SLC9A1: variants seen among roughly 807,000 people sequenced by gnomAD.
SLC9A1 encodes sodium/hydrogen exchanger 1.
Under a neutral mutation model 67.9 loss-of-function variants are expected in SLC9A1, and 22 were observed. That is an observed-to-expected ratio of 0.32 (90% CI 0.23 to 0.46). SLC9A1 has a LOEUF of 0.46. Ranked by LOEUF, SLC9A1 falls within the 20% of genes least tolerant of loss-of-function variation. The pLI is 1.00. For synonymous variants in SLC9A1, 421 were observed against 471.8 expected, an observed-to-expected ratio of 0.89 and a Z score of 1.40; for missense variants, 686 against 1,094.8, an observed-to-expected ratio of 0.63 and a Z score of 5.27.
intron 1 of SLC9A1, among the ~76,000 whole-genome samples, chr1:27,120,171 CTT>C (rs1401243228): frequency 6.6e-6 from 1 of 151,850 alleles, no homozygotes; most frequent in Non-Finnish European, 1.5e-5. Context: ...GAGTCTCACT[CTT>C]GTTGTACAGT....
intron 1 of SLC9A1, among the ~76,000 whole-genome samples, chr1:27,128,241 C>T (rs1042642733): frequency 2.8e-5 from 4 of 145,274 alleles, no homozygotes; most frequent in African/African-American, 5.0e-5. Context: ...AGGCAAATCA[C>T]GGTACTGCCC....
chr1:27,102,864 T>A (rs1183274864), intron 6 of SLC9A1, 121 bp from the exon 7 acceptor site: 9 of 896,622 alleles, frequency 1.0e-5, no homozygotes, highest in African/African-American at 8.3e-5. Flanking sequence ...TGTGGTTCCA[T>A]GAGCAGCCAG....
chr1:27,106,701 T>C lies in SLC9A1; in HGVS notation c.1283-614A>G, dbSNP rs972433992. Among the ~76,000 whole-genome samples the C allele has an allele frequency of 2.0e-5, 3 of 152,010 alleles. No homozygotes were observed. The highest frequency in any genetic ancestry group is 6.5e-5 in the Admixed American group (1 of 15,270). On this transcript the variant is annotated intron_variant, in intron 4 of 11. Coordinates refer to ENST00000263980, the MANE Select transcript of SLC9A1 (RefSeq NM_003047.5). The surrounding 1 kb of genome is among the most constrained non-coding windows in gnomAD (Gnocchi z 4.3). Reference sequence around the variant, plus strand: ...GTGGGGCACATGTGAGTGGAACCCATGCACCTGGGGCCTGGTCCCCACGTG... The same window carrying C: ...GTGGGGCACATGTGAGTGGAACCCACGCACCTGGGGCCTGGTCCCCACGTG...
At chr1:27,111,914 C>T (rs1044154113) in intron 2 of SLC9A1, among the ~76,000 whole-genome samples, 3 of 152,178 alleles carry the variant, frequency 2.0e-5, no homozygotes, top group Non-Finnish European at 4.4e-5. Flanking sequence ...GGAGACATGA[C>T]CATGGGTCCA....
intron 1 of SLC9A1, among the ~76,000 whole-genome samples, chr1:27,132,549 C>T (rs573830450): frequency 6.8e-4 from 103 of 152,222 alleles, no homozygotes; most frequent in African/African-American, 2.3e-3. Context: ...AATGAAGATG[C>T]CTCTCCCCTC....
rs2083128548 is a variant in SLC9A1, at chr1:27,100,059, A to G, written c.*248T>C. On this transcript the variant is annotated 3_prime_UTR_variant, in exon 12 of 12. Coordinates refer to ENST00000263980, the MANE Select transcript of SLC9A1 (RefSeq NM_003047.5). This position sits in a 1 kb window ranked among gnomAD's most constrained non-coding sequence, Gnocchi z 5.6. ...GAGAAGCCTGGATCTAGGGAGGGGC[A>G]GGGCCGGCCTCACCAGCCCCAGCAG... 2 of 424,096 alleles carry G rather than the reference A, an allele frequency of 4.7e-6. No individual in the cohort carries two copies. The highest frequency in any genetic ancestry group is 8.3e-6 in the Non-Finnish European group (2 of 240,420). The allele number at this position is 424,096 out of a possible 1,614,324, so 26.3% of individuals were successfully genotyped here.
rs2083187458 is a variant in SLC9A1 at position 27,106,730 on chromosome 1, C to G, written c.1283-643G>C. ...CCTGGGGCCTGGTCCCCACGTGTGC[C>G]CCGGCCTGCTGCATAGGTTTGGAGG... On this transcript the variant is annotated intron_variant, in intron 4 of 11. Coordinates refer to ENST00000263980, the MANE Select transcript of SLC9A1 (RefSeq NM_003047.5). This position sits in a 1 kb window ranked among gnomAD's most constrained non-coding sequence, Gnocchi z 4.3. 2.0e-5 allele frequency among the ~76,000 whole-genome samples: 3 copies of G among 151,990 alleles called. No individual in the cohort carries two copies. In the South Asian group the frequency reaches 6.2e-4, roughly 31 times the overall value.
rs1344709907 is a variant in SLC9A1, at chr1:27,106,855, T to C, written c.1283-768A>G. ...CTCAGAGTCACAGACCTGGGTTCTG[T>C]GGGCCTCAGGCCCCTCATCAGGACA... On this transcript the variant is annotated intron_variant, in intron 4 of 11. Coordinates refer to ENST00000263980, the MANE Select transcript of SLC9A1 (RefSeq NM_003047.5). The surrounding 1 kb of genome is among the most constrained non-coding windows in gnomAD (Gnocchi z 4.3). Among the ~76,000 whole-genome samples the C allele has an allele frequency of 1.3e-5, 2 of 151,962 alleles. No homozygotes were observed. Among genetic ancestry groups the C allele is most frequent in the African/African-American group, 4.8e-5 (2 of 41,322 alleles).
chr1:27,110,760 A>G (rs1202621693), intron 2 of SLC9A1, among the ~76,000 whole-genome samples: 1 of 152,212 alleles, frequency 6.6e-6, no homozygotes, highest in Non-Finnish European at 1.5e-5. Flanking sequence ...CCTCCCCAGC[A>G]GGCTCAGCTT....
At position 27,109,358 on chromosome 1, in the gene SLC9A1, G is replaced by A. The variant is rs753226465; in HGVS notation, c.1064+169C>T. Among the ~76,000 whole-genome samples, 3 of 152,070 alleles carry A rather than the reference G, an allele frequency of 2.0e-5. No homozygotes were observed. Among genetic ancestry groups the A allele is most frequent in the Non-Finnish European group, 4.4e-5 (3 of 68,006 alleles). On this transcript the variant is annotated intron_variant, in intron 3 of 11. Transcript: ENST00000263980. The surrounding 1 kb of genome is among the most constrained non-coding windows in gnomAD (Gnocchi z 5.5). ...CTTCTAGGAAGCCACTGATGCCCTTGGCCATTTAAATGGCTACCAAGCAGG... is the reference window on the plus strand; with the variant it reads ...CTTCTAGGAAGCCACTGATGCCCTTAGCCATTTAAATGGCTACCAAGCAGG...
intron 5 of SLC9A1, 101 bp from the exon 6 acceptor site, chr1:27,103,413 C>T: frequency 1.2e-6 from 1 of 827,994 alleles, no homozygotes; most frequent in African/African-American, 1.7e-5. Context: ...CTAGGATGCC[C>T]TCTCTGCTCT....
At chr1:27,143,931 A>G (rs2124207227) in intron 1 of SLC9A1, among the ~76,000 whole-genome samples, 1 of 152,372 alleles carries the variant, frequency 6.6e-6, no homozygotes, top group African/African-American at 2.4e-5. Context: ...TCTGGAATGT[A>G]TGACAGTGGG....
intron 1 of SLC9A1, among the ~76,000 whole-genome samples, chr1:27,136,754 G>C (rs1162295263): frequency 6.6e-6 from 1 of 152,120 alleles, no homozygotes; most frequent in East Asian, 1.9e-4. Context: ...AGTTTCTTAG[G>C]AAGGATAATT....
chr1:27,113,728 T>G, intron 2 of SLC9A1, 98 bp downstream of exon 2: 1 of 944,774 alleles, frequency 1.1e-6, no homozygotes, highest in Non-Finnish European at 1.6e-6. Context: ...CTCAGCTGTT[T>G]TTATTACTGT....
intron 1 of SLC9A1, among the ~76,000 whole-genome samples, chr1:27,149,565 G>A (rs2083512930): frequency 6.6e-6 from 1 of 152,200 alleles, no homozygotes; most frequent in Non-Finnish European, 1.5e-5. Flanking sequence ...GTTTGGGAGA[G>A]AAAGAGAAAG....
In SLC9A1 at chr1:27,118,620, G is replaced by A. The variant is rs72653220; in HGVS notation, c.353-4334C>T. On this transcript the variant is annotated intron_variant, in intron 1 of 11. Coordinates refer to ENST00000263980, the MANE Select transcript of SLC9A1 (RefSeq NM_003047.5). The surrounding 1 kb of genome is among the most constrained non-coding windows in gnomAD (Gnocchi z 4.3). ...GCAAGATCCCAGGATGCCAAGAGATGAGGCAAAACTTTCAGGGCCCAAACA... is the reference window on the plus strand; with the variant it reads ...GCAAGATCCCAGGATGCCAAGAGATAAGGCAAAACTTTCAGGGCCCAAACA... 6.6e-6 allele frequency among the ~76,000 whole-genome samples: 1 copy of A among 152,316 alleles called. No homozygotes were observed. Among genetic ancestry groups the A allele is most frequent in the Non-Finnish European group, 1.5e-5 (1 of 68,032 alleles).
rs982650533 is a variant in SLC9A1, at chr1:27,153,873, T to C, written c.352+110A>G. ...GTGGCAGGATGGAGACTGCCTACTT[T>C]ATGGGGGTAGTTCAGATCCTTACTC... On this transcript the variant is annotated intron_variant, in intron 1 of 11. Transcript: ENST00000263980. 2.1e-5 allele frequency: 15 copies of C among 702,628 alleles called. No homozygotes were observed. In the African/African-American group the frequency reaches 2.5e-4, roughly 12 times the overall value. The allele number at this position is 702,628 out of a possible 1,614,324, so 43.5% of individuals were successfully genotyped here. A position where few individuals can be genotyped will look rare whatever the true frequency, so the allele number is the denominator to read the frequency against.
intron 2 of SLC9A1, among the ~76,000 whole-genome samples, chr1:27,112,655 G>A (rs1370170145): frequency 6.6e-6 from 1 of 151,914 alleles, no homozygotes; most frequent in African/African-American, 2.4e-5. Flanking sequence ...AGGCTGAGGT[G>A]GGCGGATCAC....
chr1:27,121,138 GT>G (rs754692152), intron 1 of SLC9A1, among the ~76,000 whole-genome samples: 2 of 152,132 alleles, frequency 1.3e-5, no homozygotes, highest in Admixed American at 6.5e-5. Context: ...CTCTCTCTGT[GT>G]TTTTCCCCAT....
Sources: gnomAD v4.1 joint callset for allele counts (sites outside exome capture counted in the v4.1 genomes callset) on GRCh38, gnomAD v4.1.1 for gene constraint, Gnocchi (gnomAD v3.1) non-coding constraint, MANE v1.5 for transcripts, NCBI Gene and HGNC (gene_info 2026-07-23, HGNC 2026-07-21) for gene names.